The following AUTS2 variants were observed in gnomAD, a reference collection of about 807,000 sequenced individuals.
The protein encoded by AUTS2 is activator of transcription and developmental regulator AUTS2.
AUTS2 carries 17 observed loss-of-function variants against 112.4 expected under a neutral mutation model. The ratio of observed to expected loss-of-function variants is 0.15; its 90% CI spans 0.10 to 0.23. AUTS2 has a LOEUF of 0.23. Ranked by LOEUF, AUTS2 falls within the 10% of genes least tolerant of loss-of-function variation. The pLI is 1.00. For missense variants in AUTS2, 1,510 were observed against 1,701.6 expected (o/e 0.89, Z 1.98); for synonymous variants, 751 against 702.7 (o/e 1.07, Z -1.09).
At chr7:70,447,968 A>C (rs372856958) in intron 5 of AUTS2, among the ~76,000 whole-genome samples, 174 of 152,310 alleles carry the variant, frequency 1.1e-3, no homozygotes, top group African/African-American at 4.0e-3. Flanking sequence ...GAAAGGCTGT[A>C]ATAAACTTAT....
At chr7:70,672,324 G>C (rs974521202) in intron 5 of AUTS2, among the ~76,000 whole-genome samples, 1 of 152,178 alleles carries the variant, frequency 6.6e-6, no homozygotes, top group Non-Finnish European at 1.5e-5. Context: ...TAAAGGATAA[G>C]AGAATCCAAA....
chr7:70,215,308 C>G (rs1048858530), intron 4 of AUTS2, among the ~76,000 whole-genome samples: 1 of 151,994 alleles, frequency 6.6e-6, no homozygotes, highest in Non-Finnish European at 1.5e-5. Context: ...AACATAGATA[C>G]CTGTGTTGTT....
chr7:70,469,850 G>A (rs1327183980), intron 5 of AUTS2, among the ~76,000 whole-genome samples: 1 of 152,132 alleles, frequency 6.6e-6, no homozygotes, highest in Non-Finnish European at 1.5e-5. Context: ...AGGTTGGCCA[G>A]GCTGGTCTGG....
At chr7:70,290,597 A>G in intron 4 of AUTS2, 1 of 1,436,918 alleles carries the variant, frequency 7.0e-7, no homozygotes, top group Non-Finnish European at 9.1e-7. Context: ...CCCCAATGAG[A>G]AATTAAACAC....
intron 4 of AUTS2, among the ~76,000 whole-genome samples, chr7:70,327,360 G>A (rs1482436871): frequency 6.6e-6 from 1 of 152,182 alleles, no homozygotes; most frequent in East Asian, 1.9e-4. Context: ...AACCCCAGGA[G>A]CAGGTCTTCT....
At chr7:70,560,127 A>G (rs55772938) in intron 5 of AUTS2, among the ~76,000 whole-genome samples, 37,550 of 152,088 alleles carry the variant, frequency 0.25, 5,156 homozygotes, top group Admixed American at 0.31. Context: ...CGTTATATAG[A>G]TGGTCGCTTG....
At chr7:70,445,373 G>A (rs1333544575) in intron 5 of AUTS2, among the ~76,000 whole-genome samples, 1 of 152,124 alleles carries the variant, frequency 6.6e-6, no homozygotes, top group Non-Finnish European at 1.5e-5. Flanking sequence ...TCCCCTCTGT[G>A]TCTCACCTAC....
At chr7:70,512,155 G>T (rs1449077931) in intron 5 of AUTS2, among the ~76,000 whole-genome samples, 1 of 152,120 alleles carries the variant, frequency 6.6e-6, no homozygotes, top group Non-Finnish European at 1.5e-5. Flanking sequence ...TAGGGAGCTG[G>T]GTATTAACCA....
intron 2 of AUTS2, among the ~76,000 whole-genome samples, chr7:70,115,298 G>C (rs1339974102): frequency 2.6e-5 from 4 of 152,172 alleles, no homozygotes; most frequent in Non-Finnish European, 5.9e-5. Context: ...TTAGTTCCCA[G>C]CTGGATATGT....
chr7:70,673,525 C>T (rs1807754972), intron 5 of AUTS2, among the ~76,000 whole-genome samples: 1 of 152,084 alleles, frequency 6.6e-6, no homozygotes, highest in African/African-American at 2.4e-5. Flanking sequence ...CACCACCACG[C>T]CCAGCTGATT....
At chr7:70,780,538 G>C (rs1025379032) in intron 14 of AUTS2, among the ~76,000 whole-genome samples, 1 of 151,988 alleles carries the variant, frequency 6.6e-6, no homozygotes, top group Non-Finnish European at 1.5e-5. Flanking sequence ...ACCACGCCTG[G>C]CTGATCTTTT....
intron 5 of AUTS2, among the ~76,000 whole-genome samples, chr7:70,605,626 A>G (rs1045694484): frequency 6.1e-5 from 8 of 131,548 alleles, no homozygotes; most frequent in African/African-American, 2.4e-4. Flanking sequence ...TAAGTATCAT[A>G]TCTGGAACTT....
rs544517421 is a variant in AUTS2, at chr7:70,528,993, G to A, written c.690+93212G>A. ...AAACTCATTCATAAACTATGGCCAT[G>A]TATAAACACCACTGTACTAACCCAA... On this transcript the variant is annotated intron_variant, in intron 5 of 18. Coordinates refer to ENST00000342771, the MANE Select transcript of AUTS2 (RefSeq NM_015570.4). Among the ~76,000 whole-genome samples, 5 of 152,240 alleles carry A rather than the reference G, an allele frequency of 3.3e-5. No homozygotes were observed. In the South Asian group the frequency reaches 1.0e-3, roughly 32 times the overall value.
chr7:69,774,478 G>T (rs1269586094), intron 1 of AUTS2, among the ~76,000 whole-genome samples: 1 of 152,242 alleles, frequency 6.6e-6, no homozygotes, highest in African/African-American at 2.4e-5. Context: ...CCGCATGAAT[G>T]CGAATAGCCA....
chr7:70,495,717 C>T (rs1343059746), intron 5 of AUTS2, among the ~76,000 whole-genome samples: 2 of 137,740 alleles, frequency 1.5e-5, no homozygotes, highest in Non-Finnish European at 3.2e-5. Context: ...ACACACCCCA[C>T]ACATGCACAC....
chr7:70,489,769 G>A (rs565592356), intron 5 of AUTS2, among the ~76,000 whole-genome samples: 28 of 152,282 alleles, frequency 1.8e-4, no homozygotes, highest in South Asian at 6.2e-4. Flanking sequence ...TATGATGATC[G>A]AATTCTGACC....
chr7:70,717,689 A>G (rs1452193844), intron 6 of AUTS2, among the ~76,000 whole-genome samples: 2 of 152,132 alleles, frequency 1.3e-5, no homozygotes, highest in Non-Finnish European at 2.9e-5. Flanking sequence ...TTCCTCTTTG[A>G]AGCACCTCAA....
At chr7:70,641,443 T>G (rs971403660) in intron 5 of AUTS2, among the ~76,000 whole-genome samples, 1 of 151,838 alleles carries the variant, frequency 6.6e-6, no homozygotes, top group Admixed American at 6.6e-5. Context: ...TCCCAGCTAC[T>G]CGGGAGACTG....
chr7:69,634,118 GATT>G (rs1794405549), intron 1 of AUTS2, among the ~76,000 whole-genome samples: 2 of 151,210 alleles, frequency 1.3e-5, no homozygotes, highest in African/African-American at 2.4e-5. Flanking sequence ...CACCAGACTT[GATT>G]ATTATTTTTT....
Sources: gnomAD v4.1 joint callset for allele counts (sites outside exome capture counted in the v4.1 genomes callset) on GRCh38, gnomAD v4.1.1 for gene constraint, MANE v1.5 for transcripts, NCBI Gene and HGNC (gene_info 2026-07-23, HGNC 2026-07-21) for gene names.